The following MMP24 variants were observed in gnomAD, a reference collection of about 807,000 sequenced individuals.
MMP24 encodes the protein matrix metallopeptidase 24, also known as matrix metalloproteinase-24.
MMP24 carries 25 observed loss-of-function variants against 62.8 expected under a neutral mutation model. The observed-to-expected ratio is 0.40, with a 90% CI of 0.29 to 0.56. The LOEUF is 0.56. Among genes scored for constraint, MMP24 ranks in the 20% least tolerant of loss-of-function variants. MMP24 has a pLI of 0.50. For missense variants in MMP24, 634 were observed against 853.6 expected (o/e 0.74, Z 3.21); for synonymous variants, 319 against 350.5 (o/e 0.91, Z 1.00).
At chr20:35,230,279 C>A (rs911464107) in intron 1 of MMP24, among the ~76,000 whole-genome samples, 1 of 152,130 alleles carries the variant, frequency 6.6e-6, no homozygotes, top group African/African-American at 2.4e-5. Flanking sequence ...TGTGAGCCAC[C>A]GTGCCCAGCC....
At chr20:35,242,386 G>T (rs1391370234) in intron 1 of MMP24, among the ~76,000 whole-genome samples, 1 of 152,096 alleles carries the variant, frequency 6.6e-6, no homozygotes, top group Non-Finnish European at 1.5e-5. Flanking sequence ...ATGTCTTTAT[G>T]TAAGTCTTTT....
Position 35,271,962 on chromosome 20 carries a change from C to T in MMP24, c.1600+127C>T, listed in dbSNP as rs2060672748. On this transcript the variant is annotated intron_variant, in intron 8 of 8. Transcript: ENST00000246186. This position sits in a 1 kb window ranked among gnomAD's most constrained non-coding sequence, Gnocchi z 4.0. ...AAAAACACCTGGTGGCAGACAACTG[C>T]CTCATATCTACCCATGTTCACGTGG... is the stretch of plus-strand genomic sequence containing the variant. The T allele has an allele frequency of 9.6e-7, 1 of 1,040,776 alleles. No individual in the cohort carries two copies. The highest frequency in any genetic ancestry group is 2.6e-5 in the East Asian group (1 of 38,354). The allele number at this position is 1,040,776 out of a possible 1,614,324, so 64.5% of individuals were successfully genotyped here. A position where few individuals can be genotyped will look rare whatever the true frequency, so the allele number is the denominator to read the frequency against.
intron 1 of MMP24, among the ~76,000 whole-genome samples, chr20:35,241,217 C>A (rs918817536): frequency 4.6e-5 from 7 of 152,118 alleles, no homozygotes; most frequent in African/African-American, 1.7e-4. Flanking sequence ...TTGTCTGGGT[C>A]ACAGAGAAAG....
rs545839709 is a variant in MMP24, at chr20:35,276,147, T to A, written c.*1538T>A. 2 of 398,472 alleles carry A rather than the reference T, an allele frequency of 5.0e-6. No homozygotes were observed. Among genetic ancestry groups the A allele is most frequent in the South Asian group, 2.5e-4 (2 of 7,846 alleles). The allele number at this position is 398,472 out of a possible 1,614,324, so 24.7% of individuals were successfully genotyped here. Reference sequence around the variant, plus strand: ...GACCCTGTGGTCTCTGGGATTGGGGTCGGCTTACCCTGTAGCACAGACAGG... The same window carrying A: ...GACCCTGTGGTCTCTGGGATTGGGGACGGCTTACCCTGTAGCACAGACAGG... On this transcript the variant is annotated 3_prime_UTR_variant, in exon 9 of 9. Coordinates refer to ENST00000246186, the MANE Select transcript of MMP24 (RefSeq NM_006690.4).
chr20:35,244,770 G>A (rs956388256), intron 1 of MMP24, among the ~76,000 whole-genome samples: 6 of 149,986 alleles, frequency 4.0e-5, no homozygotes, highest in East Asian at 1.9e-4. Flanking sequence ...ATCCTTCAGA[G>A]TCATTACTTG....
intron 5 of MMP24, 161 bp downstream of exon 5, chr20:35,264,113 GC>G: frequency 2.5e-6 from 2 of 812,046 alleles, no homozygotes; most frequent in Non-Finnish European, 3.6e-6. Flanking sequence ...GCTTTGCCTG[GC>G]CAGAGGGCAA....
chr20:35,230,076 G>A (rs1433530231), intron 1 of MMP24, among the ~76,000 whole-genome samples: 2 of 151,906 alleles, frequency 1.3e-5, no homozygotes, highest in Non-Finnish European at 1.5e-5. Flanking sequence ...TGCAACCTCC[G>A]CCTCCCAGGT....
intron 2 of MMP24, 24 bp from the exon 3 acceptor site, chr20:35,251,881 T>C (rs2060548861): frequency 1.9e-6 from 3 of 1,565,490 alleles, no homozygotes; most frequent in Admixed American, 1.7e-5. Flanking sequence ...CATATGCGTG[T>C]GTGTGTGTCC....
intron 1 of MMP24, among the ~76,000 whole-genome samples, chr20:35,242,614 T>TTTC (rs1317896357): frequency 2.0e-5 from 3 of 152,188 alleles, no homozygotes; most frequent in Non-Finnish European, 4.4e-5. Flanking sequence ...AGCTAAAGCC[T>TTTC]AATAGAAAGT....
At chr20:35,268,744 A>G (rs1220800470) in intron 6 of MMP24, among the ~76,000 whole-genome samples, 2 of 152,198 alleles carry the variant, frequency 1.3e-5, no homozygotes, top group Non-Finnish European at 2.9e-5. Context: ...TGAGGCCTGG[A>G]GGCTGGGCGC....
intron 4 of MMP24, chr20:35,263,478 G>A (rs2060615079): frequency 4.9e-6 from 1 of 203,336 alleles, no homozygotes; most frequent in Non-Finnish European, 9.6e-6. Context: ...CTTCACCTTT[G>A]TGAAGCTTTC....
intron 5 of MMP24, among the ~76,000 whole-genome samples, chr20:35,265,208 G>A (rs1299156372): frequency 2.6e-5 from 4 of 152,298 alleles, no homozygotes; most frequent in South Asian, 2.1e-4. Context: ...GCTGGAGGCC[G>A]AGGCGGGCGA....
At chr20:35,244,949 A>T (rs567168681) in intron 1 of MMP24, among the ~76,000 whole-genome samples, 124 of 150,050 alleles carry the variant, frequency 8.3e-4, no homozygotes, top group African/African-American at 2.7e-3. Flanking sequence ...TTTTTTATTT[A>T]AAAAAAAAAG....
intron 1 of MMP24, among the ~76,000 whole-genome samples, chr20:35,230,693 A>AG (rs1297621331): frequency 6.6e-6 from 1 of 152,154 alleles, no homozygotes; most frequent in Admixed American, 6.5e-5. Context: ...TTGAGAGATA[A>AG]CCGTGACCTT....
Position 35,267,402 on chromosome 20 carries a change from G to A in MMP24, c.1177G>A (p.Glu393Lys), listed in dbSNP as rs1475893171. Residue 393 changes from glutamate to lysine, a missense_variant, in exon 6 of 9, where the codon GAG (glutamate) becomes AAG (lysine). Physicochemically the swap from Glu to Lys is moderately conservative, Grantham distance 56. Coordinates refer to ENST00000246186, the MANE Select transcript of MMP24 (RefSeq NM_006690.4). ...CAACACAGTGGCCCTCTTCCGGGGCGAGATGTTTGTCTTTAAGGTAGGGCC... is the reference window on the plus strand; with the variant it reads ...CAACACAGTGGCCCTCTTCCGGGGCAAGATGTTTGTCTTTAAGGTAGGGCC... ...NFNTVALFRGEMFVFKDRWFW... is the reference protein window; with the variant it reads ...NFNTVALFRGKMFVFKDRWFW... 5 of 1,558,620 alleles carry A rather than the reference G, an allele frequency of 3.2e-6. No homozygotes were observed. Among genetic ancestry groups the A allele is most frequent in the Non-Finnish European group, 4.3e-6 (5 of 1,151,346 alleles).
chr20:35,230,545 G>A (rs1037744396), intron 1 of MMP24, among the ~76,000 whole-genome samples: 40 of 152,082 alleles, frequency 2.6e-4, no homozygotes, highest in African/African-American at 9.7e-4. Flanking sequence ...CTTAGAGATG[G>A]GACTCATTGC....
chr20:35,226,874 C>G lies in MMP24; in HGVS notation c.136C>G (p.Leu46Val). 1.0e-6 allele frequency: 1 copy of G among 978,566 alleles called. No homozygotes were observed. The highest frequency in any genetic ancestry group is 1.2e-6 in the Non-Finnish European group (1 of 827,950). 60.6% of individuals were successfully genotyped at this position (978,566 alleles called of 1,614,324 possible). Reference protein sequence around the residue: ...LLLLLPALCCLPGAARAAAAA... With the variant: ...LLLLLPALCCVPGAARAAAAA... ...GCTGCTGCTGCCCGCGCTCTGCTGC[C>G]TCCCGGGCGCCGCGCGGGCGGCGGC... is the stretch of plus-strand genomic sequence containing the variant. The change falls in exon 1 of 9, where the codon CTC becomes GTC. Residue 46 changes from leucine to valine, a missense_variant. Leu to Val is a conservative substitution (Grantham distance 32). Coordinates refer to ENST00000246186, the MANE Select transcript of MMP24 (RefSeq NM_006690.4).
At chr20:35,272,565 T>C (rs2060676882) in intron 8 of MMP24, among the ~76,000 whole-genome samples, 1 of 152,144 alleles carries the variant, frequency 6.6e-6, no homozygotes, top group South Asian at 2.1e-4. Flanking sequence ...CCTGAACTCC[T>C]CCTAGAAGCC....
chr20:35,234,470 A>G (rs2060453027), intron 1 of MMP24, among the ~76,000 whole-genome samples: 1 of 152,240 alleles, frequency 6.6e-6, no homozygotes, highest in African/African-American at 2.4e-5. Flanking sequence ...GCTATAAATG[A>G]GGATACATAT....
Sources: allele counts gnomAD v4.1 joint callset (sites outside exome capture counted in the v4.1 genomes callset), GRCh38; gene constraint gnomAD v4.1.1; non-coding constraint Gnocchi (gnomAD v3.1); transcripts MANE v1.5; gene names NCBI Gene and HGNC (gene_info 2026-07-23, HGNC 2026-07-21).